Variants in SERPINA12 observed in about 807,000 individuals in gnomAD.
The protein encoded by SERPINA12 is serpin family A member 12, also known as serpin A12.
In SERPINA12, 21 loss-of-function variants were observed where a neutral mutation model predicts 25.9. The ratio of observed to expected loss-of-function variants is 0.81; its 90% CI spans 0.58 to 1.17. The LOEUF is 1.17. Ranked by LOEUF, SERPINA12 falls within the 50% of genes most tolerant of loss-of-function variation. The pLI is 0.00. For synonymous variants in SERPINA12, 220 were observed against 196.0 expected (o/e 1.12, Z -1.02); for missense variants, 562 against 508.3 (o/e 1.11, Z -1.02).
chr14:94,491,543 C>T (rs868393436), intron 3 of SERPINA12, among the ~76,000 whole-genome samples: 2 of 151,400 alleles, frequency 1.3e-5, no homozygotes, highest in African/African-American at 4.9e-5. Context: ...TGCTGGGAGA[C>T]CATTTGGAAG....
At chr14:94,495,085 T>C (rs1311203474) in intron 3 of SERPINA12, among the ~76,000 whole-genome samples, 1 of 137,794 alleles carries the variant, frequency 7.3e-6, no homozygotes, top group South Asian at 2.3e-4. Flanking sequence ...TTTTTTTTTT[T>C]TGAGATGGAG....
At chr14:94,500,934 C>T in intron 1 of SERPINA12, 1 of 983,158 alleles carries the variant, frequency 1.0e-6, no homozygotes, top group Non-Finnish European at 1.2e-6. Context: ...GCTCTGCTCT[C>T]ATGCCTTCGT....
intron 1 of SERPINA12, among the ~76,000 whole-genome samples, chr14:94,508,730 G>A (rs1365810684): frequency 6.6e-6 from 1 of 152,130 alleles, no homozygotes; most frequent in East Asian, 1.9e-4. Flanking sequence ...GAGAGCTAAT[G>A]TTCTTAACAA....
chr14:94,488,406 C>T (rs953048916), intron 4 of SERPINA12, among the ~76,000 whole-genome samples: 9 of 151,816 alleles, frequency 5.9e-5, no homozygotes, highest in African/African-American at 2.2e-4. Flanking sequence ...AAACCCCCAG[C>T]CTTGGCCACA....
chr14:94,504,608 C>G (rs1038358183), intron 1 of SERPINA12, among the ~76,000 whole-genome samples: 7 of 152,170 alleles, frequency 4.6e-5, no homozygotes, highest in African/African-American at 1.7e-4. Context: ...CACATGGAGT[C>G]CTTTGGGGAA....
chr14:94,508,461 G>A lies in SERPINA12; in HGVS notation c.-34+881C>T, dbSNP rs557802319. Among the ~76,000 whole-genome samples the A allele has an allele frequency of 1.1e-4, 17 of 152,142 alleles. No homozygotes were observed. The South Asian group carries it at 3.3e-3, about 30-fold the overall frequency. ...GTAAAAAATTCAAGATGGCATTTCAGAACATTCGAGAAAAGGTGAACAATT... is the reference window on the plus strand; with the variant it reads ...GTAAAAAATTCAAGATGGCATTTCAAAACATTCGAGAAAAGGTGAACAATT... On this transcript the variant is annotated intron_variant, in intron 1 of 4. Transcript: ENST00000677451.
intron 1 of SERPINA12, among the ~76,000 whole-genome samples, chr14:94,505,813 C>G (rs1280615092): frequency 6.6e-6 from 1 of 152,186 alleles, no homozygotes; most frequent in Non-Finnish European, 1.5e-5. Flanking sequence ...ACGGGCAGCA[C>G]TGGGGATGCC....
At chr14:94,491,542 A>G (rs1026865569) in intron 3 of SERPINA12, among the ~76,000 whole-genome samples, 1 of 151,802 alleles carries the variant, frequency 6.6e-6, no homozygotes, top group African/African-American at 2.4e-5. Context: ...ATGCTGGGAG[A>G]CCATTTGGAA....
In SERPINA12 at chr14:94,496,511, G is replaced by C; in HGVS notation, c.767C>G (p.Ser256Cys). Residue 256 changes from serine to cysteine, a missense_variant, in exon 3 of 5, where the codon TCT becomes TGT. Ser to Cys is a moderately radical substitution (Grantham distance 112). Transcript: ENST00000677451. The part of the protein sequence containing the change: ...IYQVGYDDKL[S>C]CTILEIPYQK... ...GTAGGGTATTTCCAGGATGGTGCAAGAGAGCTTATCGTCATAGCCAACTTG... is the reference window on the plus strand; with the variant it reads ...GTAGGGTATTTCCAGGATGGTGCAACAGAGCTTATCGTCATAGCCAACTTG... The C allele has an allele frequency of 6.2e-7, 1 of 1,614,008 alleles. No homozygotes were observed. The highest frequency in any genetic ancestry group is 8.5e-7 in the Non-Finnish European group (1 of 1,179,940).
intron 2 of SERPINA12, 124 bp from the exon 3 acceptor site, chr14:94,496,767 G>A (rs1266991195): frequency 1.3e-6 from 1 of 799,142 alleles, no homozygotes; most frequent in African/African-American, 1.7e-5. Flanking sequence ...GGATATCAGG[G>A]AAGTCCTTGC....
intron 3 of SERPINA12, among the ~76,000 whole-genome samples, chr14:94,494,619 C>G (rs1900316772): frequency 6.6e-6 from 1 of 152,158 alleles, no homozygotes; most frequent in African/African-American, 2.4e-5. Flanking sequence ...GGGCTTCAAC[C>G]TGAGGGTAAG....
In SERPINA12 at chr14:94,497,844, G is replaced by A; in HGVS notation, c.554C>T (p.Thr185Ile). The A allele has an allele frequency of 6.2e-7, 1 of 1,614,128 alleles. No individual in the cohort carries two copies. The highest frequency in any genetic ancestry group is 8.5e-7 in the Non-Finnish European group (1 of 1,180,018). ...GATCAGGTTGTTAATTTTCCCATGG[G>A]TTTTTTGACTGATAAAGTCATTGAT... ...KQINDFISQK[T>I]HGKINNLIEN... Residue 185 changes from threonine to isoleucine, a missense_variant, in exon 2 of 5, where the codon ACC becomes ATC. Physicochemically the swap from Thr to Ile is moderately conservative, Grantham distance 89 (BLOSUM62 -1). Coordinates refer to ENST00000677451, the MANE Select transcript of SERPINA12 (RefSeq NM_001382267.1).
intron 2 of SERPINA12, among the ~76,000 whole-genome samples, chr14:94,496,892 G>C (rs1337196682): frequency 6.6e-6 from 1 of 152,170 alleles, no homozygotes; most frequent in Non-Finnish European, 1.5e-5. Context: ...ACTACCATAA[G>C]CTCAGGTTCC....
chr14:94,499,325 C>A (rs998424797), intron 1 of SERPINA12, among the ~76,000 whole-genome samples: 3 of 152,210 alleles, frequency 2.0e-5, no homozygotes, highest in African/African-American at 4.8e-5. Context: ...CTGCTCCTTT[C>A]ATCCACCTCT....
Position 94,487,402 on chromosome 14 carries a change from G to T in SERPINA12, c.1146C>A (p.Leu382=), listed in dbSNP as rs762106256. ...GATAGGGTTTGTCTATCTTGACGACGAGTGGTGTCTCCATGGGCAGAGTCT... is the reference window on the plus strand; with the variant it reads ...GATAGGGTTTGTCTATCTTGACGACTAGTGGTGTCTCCATGGGCAGAGTCT... ...GAQTLPMETP[L]VVKIDKPYLL... The change falls in exon 5 of 5, where the codon CTC becomes CTA. Residue 382 remains leucine, a synonymous_variant. Transcript: ENST00000677451. 1.9e-6 allele frequency: 3 copies of T among 1,614,082 alleles called. No homozygotes were observed. Among genetic ancestry groups the T allele is most frequent in the African/African-American group, 2.7e-5 (2 of 75,026 alleles).
intron 1 of SERPINA12, among the ~76,000 whole-genome samples, chr14:94,503,643 G>A (rs917917341): frequency 2.0e-5 from 3 of 152,336 alleles, no homozygotes; most frequent in Non-Finnish European, 2.9e-5. Flanking sequence ...GCCCAGAGTG[G>A]ACAAAGGAAG....
At chr14:94,503,175 A>C in intron 1 of SERPINA12, 1 of 980,776 alleles carries the variant, frequency 1.0e-6, no homozygotes, top group Non-Finnish European at 1.2e-6. Flanking sequence ...TATTATTTTT[A>C]AAAGCACATT....
rs59289283 is a variant in SERPINA12, at chr14:94,516,378, T to C, written c.-352-224A>G. On this transcript the variant is annotated intron_variant, in intron 1 of 5. Transcript: ENST00000341228. ...ACAGACCAGAACCCACATCTGTCAC[T>C]CCAGCCTGGCTGACACAGTGACTCG... Among the ~76,000 whole-genome samples, 1,444 of 152,230 alleles carry C rather than the reference T, an allele frequency of 9.5e-3. 15 individuals are homozygous for C. The highest frequency in any genetic ancestry group is 0.032 in the African/African-American group (1,327 of 41,530).
chr14:94,505,520 G>A (rs964856440), intron 1 of SERPINA12, among the ~76,000 whole-genome samples: 6 of 152,238 alleles, frequency 3.9e-5, no homozygotes, highest in African/African-American at 1.4e-4. Flanking sequence ...GGGTTGCAGA[G>A]GAGACAGAAG....
Sources: allele counts gnomAD v4.1 joint callset (sites outside exome capture counted in the v4.1 genomes callset), GRCh38; gene constraint gnomAD v4.1.1; transcripts MANE v1.5; gene names NCBI Gene and HGNC (gene_info 2026-07-23, HGNC 2026-07-21).